The following HSPA9 variants were observed in gnomAD, a reference collection of about 807,000 sequenced individuals.
HSPA9 encodes the protein stress-70 protein, mitochondrial.
HSPA9 carries 28 observed loss-of-function variants against 81.5 expected under a neutral mutation model. The ratio of observed to expected loss-of-function variants is 0.34; its 90% CI spans 0.25 to 0.47. The LOEUF (loss-of-function observed/expected upper bound fraction) is 0.47. HSPA9 is among the 20% of genes least tolerant of loss of function. The pLI is 1.00. For missense variants in HSPA9, 678 were observed against 838.0 expected (o/e 0.81, Z 2.36); for synonymous variants, 293 against 290.4 (o/e 1.01, Z -0.09).
intron 4 of HSPA9, among the ~76,000 whole-genome samples, chr5:138,570,292 T>C (rs977332750): frequency 3.3e-5 from 5 of 152,036 alleles, no homozygotes; most frequent in African/African-American, 1.2e-4. Context: ...TTGGGCAACA[T>C]AGTGAGCCCC....
In HSPA9 at chr5:138,567,038, G is replaced by A. The variant is rs201220680; in HGVS notation, c.842C>T (p.Ala281Val). The A allele has an allele frequency of 6.2e-7, 1 of 1,612,864 alleles. No individual in the cohort carries two copies. Among genetic ancestry groups the A allele is most frequent in the Admixed American group, 1.7e-5 (1 of 59,984 alleles). The change falls in exon 8 of 17, where the codon GCC becomes GTC. Residue 281 changes from alanine (A) to valine (V), a missense_variant. Around this residue, in one of 4 missense-constraint regions of HSPA9, gnomAD observed 484 missense variants for 647.5 expected, o/e 0.75. Coordinates refer to ENST00000297185, the MANE Select transcript of HSPA9 (RefSeq NM_004134.7). ...CTCCTTCACAATGTGCCGTAGCAAG[G>A]CCTGGTCAAAGTCTTCCCCACCTAA... is the stretch of plus-strand genomic sequence containing the variant. Reference protein sequence around the residue: ...TFLGGEDFDQALLRHIVKEFK... With the variant: ...TFLGGEDFDQVLLRHIVKEFK...
intron 10 of HSPA9, chr5:138,561,038 A>G (rs1416965340): frequency 2.0e-6 from 1 of 495,774 alleles, no homozygotes; most frequent in African/African-American, 1.9e-5. Context: ...CATCTTCAAC[A>G]GGTTTGTGCT....
At position 138,559,898 on chromosome 5, in the gene HSPA9, T is replaced by C; in HGVS notation, c.1376A>G (p.Asn459Ser). 3.7e-6 allele frequency: 6 copies of C among 1,613,792 alleles called. No individual in the cohort carries two copies. The highest frequency in any genetic ancestry group is 5.1e-6 in the Non-Finnish European group (6 of 1,179,734). Residue 459 changes from asparagine (N) to serine (S), a missense_variant, in exon 11 of 17, where the codon AAT becomes AGT. Around this residue, in one of 4 missense-constraint regions of HSPA9, gnomAD observed 484 missense variants for 647.5 expected, o/e 0.75. Transcript: ENST00000297185. ...TLGGVFTKLI[N>S]RNTTIPTKKS... The stretch of plus-strand genomic sequence containing the variant: ...CTTGGTTGGAATAGTGGTATTCCTA[T>C]TAATAAGTTTGGTAAAGACACCTCC...
At chr5:138,568,147 T>C (rs879446430) in intron 5 of HSPA9, among the ~76,000 whole-genome samples, 4 of 149,710 alleles carry the variant, frequency 2.7e-5, no homozygotes, top group African/African-American at 7.4e-5. Context: ...ATCGCACCAC[T>C]GCACTCTAGC....
chr5:138,572,930 C>G (rs533428055), intron 3 of HSPA9, among the ~76,000 whole-genome samples: 2 of 151,920 alleles, frequency 1.3e-5, no homozygotes, highest in South Asian at 4.1e-4. Context: ...AAGTCTCGCT[C>G]TGTCACCCAG....
In HSPA9 at chr5:138,567,536, G is replaced by T; in HGVS notation, c.635C>A (p.Ser212Tyr). Residue 212 changes from serine to tyrosine, a missense_variant, in exon 7 of 17, where the codon TCT becomes TAT. Transcript: ENST00000297185. ...AATCACCCGAAGCACATTCAGTCCAGATATCTGGCCAGCATCTTTAGTGGC... is the reference window on the plus strand; with the variant it reads ...AATCACCCGAAGCACATTCAGTCCATATATCTGGCCAGCATCTTTAGTGGC... ...RQATKDAGQI[S>Y]GLNVLRVINE... is the part of the protein sequence containing the mutation. The T allele has an allele frequency of 6.2e-7, 1 of 1,614,116 alleles. No individual in the cohort carries two copies. The highest frequency in any genetic ancestry group is 8.5e-7 in the Non-Finnish European group (1 of 1,179,958).
Position 138,561,571 on chromosome 5 carries a change from G to A in HSPA9, c.1182+9C>T. On this transcript the variant is annotated intron_variant, in intron 10 of 16. Coordinates refer to ENST00000297185, the MANE Select transcript of HSPA9 (RefSeq NM_004134.7). ...TCTCTCTCCACGACAGAATTCCACT[G>A]GTCCATACCTTGGGCATCCTAGTCA... 6.2e-7 allele frequency: 1 copy of A among 1,608,746 alleles called. No individual in the cohort carries two copies. The highest frequency in any genetic ancestry group is 8.5e-7 in the Non-Finnish European group (1 of 1,176,642).
At chr5:138,575,046 C>T in intron 1 of HSPA9, 192 bp downstream of exon 1, 1 of 610,972 alleles carries the variant, frequency 1.6e-6, no homozygotes, top group Non-Finnish European at 3.0e-6. Flanking sequence ...CTCAGCAGGG[C>T]CCAAGCCGGA....
chr5:138,570,316 G>A (rs764355681), intron 4 of HSPA9, among the ~76,000 whole-genome samples: 6 of 152,054 alleles, frequency 3.9e-5, no homozygotes, highest in Non-Finnish European at 8.8e-5. Context: ...TCTATTGGGA[G>A]GGGGGAAGAA....
chr5:138,569,813 A>G (rs1397140938), intron 4 of HSPA9, among the ~76,000 whole-genome samples: 9 of 152,230 alleles, frequency 5.9e-5, no homozygotes, highest in South Asian at 2.1e-4. Flanking sequence ...TCTGCCTCCT[A>G]AAGTGCTAGG....
chr5:138,558,054 A>C (rs972018925), intron 12 of HSPA9, 68 bp from the exon 13 acceptor site: 2 of 1,027,764 alleles, frequency 1.9e-6, no homozygotes, highest in Non-Finnish European at 3.1e-6. Context: ...TTCCAAATCT[A>C]TATGGTTTTC....
chr5:138,556,206 GTCC>G, intron 16 of HSPA9, 92 bp from the exon 17 acceptor site: 1 of 1,095,056 alleles, frequency 9.1e-7, no homozygotes, highest in Non-Finnish European at 1.4e-6. Flanking sequence ...ACCCACATAT[GTCC>G]TCATCATTCA....
chr5:138,571,233 T>A, intron 3 of HSPA9, 92 bp from the exon 4 acceptor site: 1 of 1,294,922 alleles, frequency 7.7e-7, no homozygotes, highest in South Asian at 1.2e-5. Flanking sequence ...AAGGCTGGAG[T>A]ACAATGGCAC....
At chr5:138,573,313 G>A (rs979515346) in intron 3 of HSPA9, among the ~76,000 whole-genome samples, 3 of 152,122 alleles carry the variant, frequency 2.0e-5, no homozygotes, top group Non-Finnish European at 2.9e-5. Flanking sequence ...GCAGGCGTGA[G>A]CCATTATGCC....
intron 11 of HSPA9, chr5:138,558,897 G>A (rs1750591603): frequency 4.4e-6 from 2 of 459,054 alleles, no homozygotes; most frequent in Non-Finnish European, 8.1e-6. Flanking sequence ...CATTAGGACA[G>A]AAGTCCTCAA....
chr5:138,571,704 T>C (rs1750896682), intron 3 of HSPA9, among the ~76,000 whole-genome samples: 1 of 151,286 alleles, frequency 6.6e-6, no homozygotes, highest in African/African-American at 2.4e-5. Flanking sequence ...TGGAGTGCAG[T>C]GGCGCGATCT....
At position 138,561,759 on chromosome 5, in the gene HSPA9, C is replaced by T. The variant is rs759861127; in HGVS notation, c.1003G>A (p.Asp335Asn). 1 of 1,614,100 alleles carries T rather than the reference C, an allele frequency of 6.2e-7. No individual in the cohort carries two copies. Among genetic ancestry groups the T allele is most frequent in the South Asian group, 1.1e-5 (1 of 91,086 alleles). ...TDINLPYLTM[D>N]SSGPKHLNMK... ...TTCAAATGCTTGGGTCCAGAAGAATCCATTGTAAGATAGGGCAAATTGATG... is the reference window on the plus strand; with the variant it reads ...TTCAAATGCTTGGGTCCAGAAGAATTCATTGTAAGATAGGGCAAATTGATG... The change falls in exon 10 of 17, where the codon GAT (aspartate) becomes AAT (asparagine). Residue 335 changes from aspartate to asparagine, a missense_variant. Transcript: ENST00000297185.
At chr5:138,568,764 T>C (rs1301800299) in intron 5 of HSPA9, among the ~76,000 whole-genome samples, 161 bp downstream of exon 5, 7 of 152,364 alleles carry the variant, frequency 4.6e-5, no homozygotes, top group Admixed American at 4.6e-4. Flanking sequence ...TAATTCAATC[T>C]GCAGGGAAAG....
intron 4 of HSPA9, 132 bp downstream of exon 4, chr5:138,570,828 G>C: frequency 1.1e-6 from 1 of 871,938 alleles, no homozygotes; most frequent in East Asian, 2.5e-5. Context: ...CAGTGGTACA[G>C]ATTTCCCCTA....
Sources: allele counts gnomAD v4.1 joint callset (sites outside exome capture counted in the v4.1 genomes callset), GRCh38; gene constraint gnomAD v4.1.1; regional missense constraint gnomAD v4.1.1; transcripts MANE v1.5; gene names NCBI Gene and HGNC (gene_info 2026-07-23, HGNC 2026-07-21).